The following ARHGAP24 variants were observed in gnomAD, a reference collection of about 807,000 sequenced individuals.
ARHGAP24 encodes the protein rho GTPase-activating protein 24.
ARHGAP24 carries 50 observed loss-of-function variants against 76.4 expected under a neutral mutation model. The ratio of observed to expected loss-of-function variants is 0.65; its 90% CI spans 0.52 to 0.83. ARHGAP24 has a LOEUF of 0.83. Ranked by LOEUF, ARHGAP24 falls within the 40% of genes least tolerant of loss-of-function variation. The pLI is 0.00. For missense variants in ARHGAP24, 930 were observed against 914.2 expected, an observed-to-expected ratio of 1.02 and a Z score of -0.22; for synonymous variants, 345 against 323.3, an observed-to-expected ratio of 1.07 and a Z score of -0.72.
chr4:85,898,813 C>G (rs1372258873), intron 3 of ARHGAP24, among the ~76,000 whole-genome samples: 1 of 152,114 alleles, frequency 6.6e-6, no homozygotes, highest in Non-Finnish European at 1.5e-5. Context: ...GGCACTGTCT[C>G]AGCTCACTGC....
rs547074181 is a variant in ARHGAP24, at chr4:85,536,139, CA to C, written c.-20-34373del. On this transcript the variant is annotated intron_variant, in intron 1 of 9. Transcript: ENST00000395184. ...TATAATCAGAATCCTTACTCCAGTA[CA>C]AAAAAAAAAGGACATGCTAATTACT... Among the ~76,000 whole-genome samples, 54 of 143,044 alleles carry C rather than the reference CA, an allele frequency of 3.8e-4. 1 individual carries two copies. Among genetic ancestry groups the C allele is most frequent in the African/African-American group, 6.9e-4 (27 of 39,084 alleles). 93.8% of individuals were successfully genotyped at this position (143,044 alleles called of 152,430 possible). A position where few individuals can be genotyped will look rare whatever the true frequency, so the allele number is the denominator to read the frequency against.
intron 2 of ARHGAP24, among the ~76,000 whole-genome samples, chr4:85,638,625 G>A (rs554704816): frequency 1.3e-5 from 2 of 152,160 alleles, no homozygotes; most frequent in South Asian, 4.1e-4. Context: ...GTGTGGATGT[G>A]TGTGGATGCC....
chr4:85,658,979 G>C lies in ARHGAP24; in HGVS notation c.181-62906G>C, dbSNP rs114516736. ...TGAGAGATTTATGTGGGATGTGACA[G>C]AGAGAGAGCCAAGTCCGTAGTAACT... On this transcript the variant is annotated intron_variant, in intron 2 of 9. Transcript: ENST00000395184. 5.1e-3 allele frequency among the ~76,000 whole-genome samples: 774 copies of C among 152,318 alleles called. 3 individuals are homozygous for C. Among genetic ancestry groups the C allele is most frequent in the African/African-American group, 0.017 (723 of 41,560 alleles).
chr4:85,785,990 T>C (rs1233877103), intron 3 of ARHGAP24, among the ~76,000 whole-genome samples: 1 of 152,130 alleles, frequency 6.6e-6, no homozygotes, highest in Admixed American at 6.5e-5. Flanking sequence ...ACTACCTTTT[T>C]TTTTTATTTC....
At chr4:85,665,644 G>A (rs184963349) in intron 2 of ARHGAP24, among the ~76,000 whole-genome samples, 25 of 152,220 alleles carry the variant, frequency 1.6e-4, no homozygotes, top group East Asian at 5.8e-4. Context: ...ATTTTGCAGC[G>A]GCTGGTACCG....
rs1380952713 is a variant in ARHGAP24, at chr4:86,001,367, T to C, written c.*645T>C. On this transcript the variant is annotated 3_prime_UTR_variant, in exon 10 of 10. Coordinates refer to ENST00000395184, the MANE Select transcript of ARHGAP24 (RefSeq NM_001025616.3). ...CCCCTGGCACCACTCAGTTTTGCTT[T>C]TGCGAGGCGATTTGACATAGGAACT... 5.0e-6 allele frequency: 2 copies of C among 399,050 alleles called. No individual in the cohort carries two copies. Among genetic ancestry groups the C allele is most frequent in the East Asian group, 7.1e-5 (2 of 28,066 alleles). 24.7% of individuals were successfully genotyped at this position (399,050 alleles called of 1,614,324 possible).
At chr4:85,938,021 C>A (rs1736749180) in intron 4 of ARHGAP24, among the ~76,000 whole-genome samples, 1 of 152,136 alleles carries the variant, frequency 6.6e-6, no homozygotes, top group South Asian at 2.1e-4. Context: ...CATAGGCAGC[C>A]TCTAGCTATT....
intron 3 of ARHGAP24, among the ~76,000 whole-genome samples, chr4:85,761,968 C>T (rs13111662): frequency 0.5 from 75,944 of 152,052 alleles, 22,375 homozygotes; most frequent in Non-Finnish European, 0.68. Flanking sequence ...TTGTTTCTTC[C>T]CCAAAGTTCC....
Position 85,575,502 on chromosome 4 carries a change from C to T in ARHGAP24, c.180+4781C>T, listed in dbSNP as rs142242884. ...TCTATAAAAAAGAATCTTCCTCCTACGCCGCACACCCCAAAGGACTTTGGA... is the reference window on the plus strand; with the variant it reads ...TCTATAAAAAAGAATCTTCCTCCTATGCCGCACACCCCAAAGGACTTTGGA... On this transcript the variant is annotated intron_variant, in intron 2 of 9. Transcript: ENST00000395184. Among the ~76,000 whole-genome samples, 386 of 152,270 alleles carry T rather than the reference C, an allele frequency of 2.5e-3. 2 individuals are homozygous for T. The highest frequency in any genetic ancestry group is 8.9e-3 in the African/African-American group (370 of 41,550).
At chr4:85,821,532 T>C (rs1350163576) in intron 3 of ARHGAP24, among the ~76,000 whole-genome samples, 1 of 152,184 alleles carries the variant, frequency 6.6e-6, no homozygotes, top group Non-Finnish European at 1.5e-5. Context: ...CATGGCATCA[T>C]GCCTGTTTAA....
At chr4:85,555,215 A>G (rs1200721350) in intron 1 of ARHGAP24, among the ~76,000 whole-genome samples, 2 of 152,204 alleles carry the variant, frequency 1.3e-5, no homozygotes, top group Non-Finnish European at 2.9e-5. Context: ...TTGAGTTGCC[A>G]GAGTTCTTGT....
At chr4:85,672,994 A>G (rs749976219) in intron 2 of ARHGAP24, among the ~76,000 whole-genome samples, 4 of 152,272 alleles carry the variant, frequency 2.6e-5, no homozygotes, top group Middle Eastern at 6.8e-3. Context: ...TATTCAACTT[A>G]GTTCTCTTTT....
At chr4:85,617,419 A>G (rs1442003466) in intron 2 of ARHGAP24, among the ~76,000 whole-genome samples, 1 of 152,026 alleles carries the variant, frequency 6.6e-6, no homozygotes, top group Non-Finnish European at 1.5e-5. Context: ...GGAGATGTTC[A>G]GTGCACACGC....
At chr4:85,822,572 A>G (rs896321446) in intron 3 of ARHGAP24, among the ~76,000 whole-genome samples, 7 of 152,166 alleles carry the variant, frequency 4.6e-5, no homozygotes, top group African/African-American at 1.4e-4. Context: ...AAACCAATAT[A>G]TGTTGCTGTT....
At chr4:85,740,894 A>T (rs1265317899) in intron 3 of ARHGAP24, among the ~76,000 whole-genome samples, 3 of 152,232 alleles carry the variant, frequency 2.0e-5, no homozygotes, top group Admixed American at 2.0e-4. Flanking sequence ...CCTATGCATA[A>T]AAAAGCAGTA....
intron 3 of ARHGAP24, among the ~76,000 whole-genome samples, chr4:85,744,096 G>A (rs1443999411): frequency 6.6e-6 from 1 of 152,158 alleles, no homozygotes; most frequent in African/African-American, 2.4e-5. Context: ...ATTTGTAGAT[G>A]CATCTGTTTC....
intron 2 of ARHGAP24, 145 bp downstream of exon 2, chr4:85,570,866 C>A: frequency 1.1e-6 from 1 of 914,224 alleles, no homozygotes; most frequent in Non-Finnish European, 1.6e-6. Flanking sequence ...TTACCCATTG[C>A]TTGCTTTGAG....
At chr4:85,874,983 T>C (rs1367742841) in intron 3 of ARHGAP24, among the ~76,000 whole-genome samples, 2 of 116,814 alleles carry the variant, frequency 1.7e-5, no homozygotes, top group African/African-American at 7.0e-5. Context: ...TTTTATATAA[T>C]TTATATATAA....
Position 85,570,681 on chromosome 4 carries a change from A to G in ARHGAP24, c.140A>G (p.Gln47Arg), listed in dbSNP as rs767824833. Reference protein sequence around the residue: ...HTRWFVLKGDQLYYFKDEDET... With the variant: ...HTRWFVLKGDRLYYFKDEDET... ...CGCTGGTTTGTGCTCAAGGGGGATC[A>G]GCTCTATTATTTCAAAGATGAAGAT... Residue 47 changes from glutamine (Q) to arginine (R), a missense_variant, in exon 2 of 10, where the codon CAG (glutamine) becomes CGG (arginine). By Grantham distance (43) the Gln-to-Arg change is conservative (BLOSUM62 1). Transcript: ENST00000395184. The G allele has an allele frequency of 6.2e-7, 1 of 1,614,130 alleles. No homozygotes were observed. The highest frequency in any genetic ancestry group is 8.5e-7 in the Non-Finnish European group (1 of 1,180,014).
Sources: gnomAD v4.1 joint callset for allele counts (sites outside exome capture counted in the v4.1 genomes callset) on GRCh38, gnomAD v4.1.1 for gene constraint, MANE v1.5 for transcripts, NCBI Gene and HGNC (gene_info 2026-07-23, HGNC 2026-07-21) for gene names.